The following PCDH15 variants were observed in gnomAD, a reference collection of about 807,000 sequenced individuals.
PCDH15 encodes protocadherin related 15.
Under a neutral mutation model 178.5 loss-of-function variants are expected in PCDH15, and 129 were observed. The ratio of observed to expected loss-of-function variants is 0.72; its 90% CI spans 0.63 to 0.84. PCDH15 has a LOEUF of 0.84. PCDH15 is among the 40% of genes least tolerant of loss of function. The pLI is 0.00. For synonymous variants in PCDH15, 800 were observed against 732.0 expected (o/e 1.09, Z -1.50); for missense variants, 2,230 against 2,099.9 (o/e 1.06, Z -1.21).
rs891203870 is a variant in PCDH15, at chr10:55,276,556, G to A, written c.-156+43043C>T. Reference sequence around the variant, plus strand: ...TACACTAAAGCAAACTTAAATTCTGGAATTAAAACCAACAAGTATACCTTT... The same window carrying A: ...TACACTAAAGCAAACTTAAATTCTGAAATTAAAACCAACAAGTATACCTTT... On this transcript the variant is annotated intron_variant, in intron 1 of 5. Coordinates refer to the PCDH15 transcript ENST00000458638. Among the ~76,000 whole-genome samples the A allele has an allele frequency of 6.6e-5, 10 of 151,142 alleles. No individual in the cohort carries two copies. The East Asian group carries it at 1.6e-3, about 24-fold the overall frequency.
intron 2 of PCDH15, chr10:54,606,493 G>A (rs949116790): frequency 1.3e-5 from 2 of 152,116 alleles, no homozygotes; most frequent in Non-Finnish European, 2.9e-5. Flanking sequence ...ACTGCCCAAA[G>A]ATGCTTCTCT....
chr10:53,939,462 T>C (rs1278145866), intron 24 of PCDH15, among the ~76,000 whole-genome samples: 1 of 152,112 alleles, frequency 6.6e-6, no homozygotes, highest in Non-Finnish European at 1.5e-5. Context: ...AATTTAATGT[T>C]GCCCTGTGTC....
intron 1 of PCDH15, among the ~76,000 whole-genome samples, chr10:54,799,846 T>G (rs1952461537): frequency 6.6e-6 from 1 of 152,122 alleles, no homozygotes; most frequent in Non-Finnish European, 1.5e-5. Context: ...AAACCAATTT[T>G]CTGTGAAAAG....
chr10:55,582,624 A>ATTT lies in PCDH15; in HGVS notation c.-156+45000_-156+45001insAAA, dbSNP rs1477154346. Among the ~76,000 whole-genome samples, 53 of 62,244 alleles carry ATTT rather than the reference A, an allele frequency of 8.5e-4. No homozygotes were observed. The East Asian group carries it at 0.013, about 15-fold the overall frequency. 40.8% of individuals were successfully genotyped at this position (62,244 alleles called of 152,430 possible). On this transcript the variant is annotated intron_variant, in intron 2 of 5. Coordinates refer to the PCDH15 transcript ENST00000613346. ...TATATATATATATATATATATATAT[A>ATTT]TATATTTTTTTTTTTTTGCTATATT...
At chr10:53,970,909 A>T (rs1467467931) in intron 21 of PCDH15, among the ~76,000 whole-genome samples, 1 of 152,216 alleles carries the variant, frequency 6.6e-6, no homozygotes, top group African/African-American at 2.4e-5. Context: ...AGTCAATAGA[A>T]AAAGAAGGAA....
chr10:55,244,326 T>C (rs1841632509), intron 1 of PCDH15, among the ~76,000 whole-genome samples: 1 of 151,664 alleles, frequency 6.6e-6, no homozygotes, highest in African/African-American at 2.4e-5. Flanking sequence ...TCTCTAGTGT[T>C]AAAAAAAATA....
At chr10:54,558,994 T>C (rs2087685396) in intron 2 of PCDH15, among the ~76,000 whole-genome samples, 1 of 152,064 alleles carries the variant, frequency 6.6e-6, no homozygotes, top group Admixed American at 6.6e-5. Context: ...AGCCAAAGAA[T>C]AGCAATAGGT....
chr10:53,955,524 A>T (rs1290638705), intron 23 of PCDH15, among the ~76,000 whole-genome samples: 2 of 152,174 alleles, frequency 1.3e-5, no homozygotes, highest in Non-Finnish European at 2.9e-5. Context: ...TTAAATGCTA[A>T]TTTTTCCTAT....
intron 2 of PCDH15, among the ~76,000 whole-genome samples, chr10:55,400,820 G>T (rs895169546): frequency 5.3e-5 from 8 of 152,018 alleles, no homozygotes; most frequent in Non-Finnish European, 1.5e-5. Flanking sequence ...TCTCTGCCCA[G>T]ATGAATCCTA....
intron 2 of PCDH15, among the ~76,000 whole-genome samples, chr10:55,481,979 T>G (rs933641782): frequency 2.6e-5 from 4 of 151,862 alleles, no homozygotes; most frequent in African/African-American, 9.7e-5. Flanking sequence ...TCTTTGAAGG[T>G]CTTTAAGAAC....
intron 2 of PCDH15, among the ~76,000 whole-genome samples, chr10:55,460,944 A>AC (rs1839663080): frequency 6.6e-6 from 1 of 152,120 alleles, no homozygotes; most frequent in African/African-American, 2.4e-5. Flanking sequence ...CTCATCAATA[A>AC]GTCCCCACTG....
chr10:54,184,024 C>T (rs1564626154), intron 12 of PCDH15, among the ~76,000 whole-genome samples: 1 of 152,124 alleles, frequency 6.6e-6, no homozygotes, highest in Non-Finnish European at 1.5e-5. Flanking sequence ...CCTAGATGTA[C>T]TTTGTATCAC....
chr10:54,012,228 C>T (rs890009700), intron 20 of PCDH15, among the ~76,000 whole-genome samples: 2 of 151,542 alleles, frequency 1.3e-5, no homozygotes, highest in African/African-American at 4.9e-5. Flanking sequence ...CTAAGAAGGA[C>T]AAAAGTAATA....
chr10:54,765,090 A>G (rs1948348788), intron 1 of PCDH15, among the ~76,000 whole-genome samples: 1 of 152,298 alleles, frequency 6.6e-6, no homozygotes, highest in South Asian at 2.1e-4. Context: ...CAAGTTGTGG[A>G]GAAAATAAAT....
intron 2 of PCDH15, chr10:54,528,378 G>C: frequency 6.4e-7 from 1 of 1,572,744 alleles, no homozygotes; most frequent in Non-Finnish European, 8.6e-7. Context: ...TTTTATTTTT[G>C]TCATCTTACC....
chr10:54,107,244 G>T (rs1340966460), intron 15 of PCDH15, among the ~76,000 whole-genome samples: 1 of 152,094 alleles, frequency 6.6e-6, no homozygotes, highest in East Asian at 1.9e-4. Context: ...CCAAAGTATG[G>T]CTTGAAAATC....
chr10:53,972,801 G>A (rs1490126316), intron 21 of PCDH15, among the ~76,000 whole-genome samples: 1 of 152,148 alleles, frequency 6.6e-6, no homozygotes, highest in Non-Finnish European at 1.5e-5. Context: ...ACAGGTTCTG[G>A]AGAGGATGTG....
intron 2 of PCDH15, among the ~76,000 whole-genome samples, chr10:55,129,452 T>C (rs1309482980): frequency 6.6e-6 from 1 of 152,158 alleles, no homozygotes; most frequent in Non-Finnish European, 1.5e-5. Context: ...CTCTTGTGTA[T>C]GACTTTAAAA....
At chr10:54,168,943 A>G (rs1369421727) in intron 13 of PCDH15, among the ~76,000 whole-genome samples, 1 of 151,944 alleles carries the variant, frequency 6.6e-6, no homozygotes, top group Non-Finnish European at 1.5e-5. Flanking sequence ...AACCCCAGCC[A>G]CATCTCCAGC....
Sources: gnomAD v4.1 joint callset for allele counts (sites outside exome capture counted in the v4.1 genomes callset) on GRCh38, gnomAD v4.1.1 for gene constraint, MANE v1.5 for transcripts, NCBI Gene and HGNC (gene_info 2026-07-23, HGNC 2026-07-21) for gene names.